Variants in AKT1 observed in about 807,000 individuals in gnomAD.
AKT1 encodes RAC-alpha serine/threonine-protein kinase.
Under a neutral mutation model 63.1 loss-of-function variants are expected in AKT1, and 21 were observed. The observed-to-expected ratio is 0.33, with a 90% CI of 0.24 to 0.48. The LOEUF is 0.48. Among genes scored for constraint, AKT1 ranks in the 20% least tolerant of loss-of-function variants. The pLI, the probability that AKT1 is intolerant of heterozygous loss-of-function variation, is 0.99. For missense variants in AKT1, 382 were observed against 666.0 expected (o/e 0.57, Z 4.69); for synonymous variants, 257 against 253.1 (o/e 1.02, Z -0.15).
intron 8 of AKT1, 194 bp from the exon 9 acceptor site, chr14:104,774,174 A>C (rs1892574084): frequency 4.0e-5 from 20 of 503,520 alleles, no homozygotes; most frequent in East Asian, 6.9e-5. Flanking sequence ...CACACACCCC[A>C]TCACACTGCC....
chr14:104,774,001 A>C (rs2140910413), intron 8 of AKT1, 21 bp from the exon 9 acceptor site: 2 of 1,607,630 alleles, frequency 1.2e-6, no homozygotes, highest in Non-Finnish European at 8.5e-7. Flanking sequence ...GGGGAGCTGG[A>C]ACTGCGGCCC....
chr14:104,775,250 T>C, intron 6 of AKT1, 43 bp from the exon 7 acceptor site: 4 of 1,609,506 alleles, frequency 2.5e-6, no homozygotes, highest in Non-Finnish European at 2.5e-6. Context: ...CTGCCAACAG[T>C]GCCCAGCTGG....
At chr14:104,777,496 C>T (rs916851619) in intron 4 of AKT1, 45 of 981,034 alleles carry the variant, frequency 4.6e-5, no homozygotes, top group Middle Eastern at 5.1e-4. Flanking sequence ...CTGGGGCACA[C>T]GAACACCTGG....
chr14:104,772,285 G>T, intron 13 of AKT1, 80 bp downstream of exon 13: 1 of 1,477,124 alleles, frequency 6.8e-7, no homozygotes, highest in Non-Finnish European at 9.4e-7. Context: ...TGGGAAATCT[G>T]GCGAGCGTGC....
chr14:104,776,857 C>T (rs1004391553), intron 4 of AKT1, 87 bp from the exon 5 acceptor site: 2 of 1,059,328 alleles, frequency 1.9e-6, no homozygotes, highest in Non-Finnish European at 2.8e-6. Flanking sequence ...CAGCCAGCTC[C>T]CCTTGCATAC....
intron 3 of AKT1, among the ~76,000 whole-genome samples, chr14:104,782,262 G>A (rs1430011342): frequency 6.6e-6 from 1 of 152,040 alleles, no homozygotes; most frequent in Non-Finnish European, 1.5e-5. Context: ...CCCTGATGGA[G>A]TGCCTCCCAT....
chr14:104,775,434 G>T, intron 6 of AKT1: 1 of 1,080,666 alleles, frequency 9.3e-7, no homozygotes, highest in Non-Finnish European at 1.3e-6. Flanking sequence ...GGGTAACATT[G>T]CCCAAGCCTG....
chr14:104,784,414 G>A (rs1333503323), intron 3 of AKT1, among the ~76,000 whole-genome samples: 6 of 152,202 alleles, frequency 3.9e-5, no homozygotes, highest in South Asian at 2.1e-4. Context: ...GGGGGACAGC[G>A]GAGACCAGGC....
At chr14:104,774,668 G>A in intron 8 of AKT1, 1 of 493,144 alleles carries the variant, frequency 2.0e-6, no homozygotes, top group South Asian at 2.8e-5. Flanking sequence ...GGGAGCTGGG[G>A]CCTCCTGGAG....
At chr14:104,774,617 G>T in intron 8 of AKT1, 1 of 413,114 alleles carries the variant, frequency 2.4e-6, no homozygotes, top group South Asian at 3.5e-5. Flanking sequence ...GACAGAGCCC[G>T]GGCCTCAACA....
At chr14:104,788,119 G>A (rs1424275407) in intron 3 of AKT1, among the ~76,000 whole-genome samples, 2 of 152,082 alleles carry the variant, frequency 1.3e-5, no homozygotes, top group African/African-American at 4.8e-5. Flanking sequence ...CACGGGGGCC[G>A]TTCCAGACCC....
Position 104,769,531 on chromosome 14 carries a change from G to A in AKT1, c.*810C>T. 1 of 533,606 alleles carries A rather than the reference G, an allele frequency of 1.9e-6. No homozygotes were observed. The highest frequency in any genetic ancestry group is 3.8e-4 in the Middle Eastern group (1 of 2,664). The allele number at this position is 533,606 out of a possible 1,614,324, so 33.1% of individuals were successfully genotyped here. On this transcript the variant is annotated 3_prime_UTR_variant, in exon 15 of 15. Transcript: ENST00000649815. ...CCCCACAGGGAGTCAGGGAGGGCCTGGGGCGACAGCGGAAAGGTTAAGCGT... is the reference window on the plus strand; with the variant it reads ...CCCCACAGGGAGTCAGGGAGGGCCTAGGGCGACAGCGGAAAGGTTAAGCGT...
In AKT1 at chr14:104,775,790, C is replaced by T; in HGVS notation, c.297G>A (p.Trp99Ter). 1 of 1,613,878 alleles carries T rather than the reference C, an allele frequency of 6.2e-7. No individual in the cohort carries two copies. The highest frequency in any genetic ancestry group is 8.5e-7 in the Non-Finnish European group (1 of 1,179,906). Reference protein sequence around the residue: ...HVETPEEREEWTTAIQTVADG... With the variant: ...HVETPEEREE ...CAGCCACAGTCTGGATGGCGGTTGT[C>T]CACTCCTCCCTGCAGGAGGTCAGGT... The change falls in exon 6 of 15, where the codon TGG (tryptophan) becomes TGA (stop). Residue 99 changes from tryptophan to a stop codon, truncating the protein, a stop_gained. Coordinates refer to ENST00000649815, the MANE Select transcript of AKT1 (RefSeq NM_001382430.1). LOFTEE classifies it high-confidence loss of function.
At chr14:104,777,772 G>C in intron 4 of AKT1, 1 of 984,770 alleles carries the variant, frequency 1.0e-6, no homozygotes, top group Non-Finnish European at 1.2e-6. Flanking sequence ...ACCACAAGGG[G>C]GCCTGGCCAG....
chr14:104,775,774 T>C lies in AKT1; in HGVS notation c.313A>G (p.Thr105Ala), dbSNP rs1038322721. The change falls in exon 6 of 15, where the codon ACT (threonine) becomes GCT (alanine). Residue 105 changes from threonine (T) to alanine (A), a missense_variant. By Grantham distance (58) the Thr-to-Ala change is moderately conservative. Transcript: ENST00000649815. ...TGCTTCTTGAGGCCGTCAGCCACAG[T>C]CTGGATGGCGGTTGTCCACTCCTCC... ...EREEWTTAIQ[T>A]VADGLKKQEE... 6.2e-7 allele frequency: 1 copy of C among 1,613,892 alleles called. No individual in the cohort carries two copies. The highest frequency in any genetic ancestry group is 1.3e-5 in the African/African-American group (1 of 74,902).
At chr14:104,774,877 GAC>G in intron 8 of AKT1, 59 bp downstream of exon 8, 7 of 1,550,422 alleles carry the variant, frequency 4.5e-6, no homozygotes, top group Non-Finnish European at 5.2e-6. Context: ...GTCCCCTAGA[GAC>G]AGCCCCAGGA....
chr14:104,785,537 G>A (rs1260081307), intron 3 of AKT1, among the ~76,000 whole-genome samples: 1 of 152,144 alleles, frequency 6.6e-6, no homozygotes, highest in Non-Finnish European at 1.5e-5. Context: ...GCCTCGCCCA[G>A]CCCAGGACCC....
At chr14:104,772,801 G>A (rs562284476) in intron 12 of AKT1, 77 bp downstream of exon 12, 31 of 1,449,280 alleles carry the variant, frequency 2.1e-5, no homozygotes, top group Middle Eastern at 4.9e-4. Context: ...TGCCAGGACC[G>A]CCTGGCGCAG....
At chr14:104,788,193 C>A (rs1463399775) in intron 3 of AKT1, among the ~76,000 whole-genome samples, 1 of 152,206 alleles carries the variant, frequency 6.6e-6, no homozygotes, top group African/African-American at 2.4e-5. Context: ...GGGTCTCACA[C>A]TGAAGCCACC....
Sources: allele counts gnomAD v4.1 joint callset (sites outside exome capture counted in the v4.1 genomes callset), GRCh38; gene constraint gnomAD v4.1.1; transcripts MANE v1.5; gene names NCBI Gene and HGNC (gene_info 2026-07-23, HGNC 2026-07-21).